XRCC4: variants seen among roughly 807,000 people sequenced by gnomAD.
XRCC4 encodes the protein X-ray repair cross complementing 4.
XRCC4 carries 28 observed loss-of-function variants against 39.1 expected under a neutral mutation model. The observed-to-expected ratio is 0.72, with a 90% CI of 0.53 to 0.98. The LOEUF (loss-of-function observed/expected upper bound fraction) is 0.98, where lower values mean the gene tolerates loss of function less well. Ranked by LOEUF, XRCC4 falls within the 50% of genes least tolerant of loss-of-function variation. The pLI is 0.00. For synonymous variants in XRCC4, 123 were observed against 126.4 expected (o/e 0.97, Z 0.18); for missense variants, 350 against 376.4 (o/e 0.93, Z 0.58).
chr5:83,304,611 AC>A (rs1755413200), intron 7 of XRCC4, among the ~76,000 whole-genome samples: 2 of 152,196 alleles, frequency 1.3e-5, no homozygotes, highest in Non-Finnish European at 2.9e-5. Flanking sequence ...GTTATCTTCT[AC>A]CAGAAAATGA....
chr5:83,325,108 T>G (rs895328725), intron 7 of XRCC4, among the ~76,000 whole-genome samples: 2 of 152,064 alleles, frequency 1.3e-5, no homozygotes, highest in African/African-American at 4.8e-5. Flanking sequence ...AACATTTCCC[T>G]TTTGCAATGA....
chr5:83,104,595 G>A (rs530422579), intron 1 of XRCC4, among the ~76,000 whole-genome samples: 3 of 152,214 alleles, frequency 2.0e-5, no homozygotes, highest in South Asian at 2.1e-4. Flanking sequence ...TGGGATTACC[G>A]GTGTGAGACA....
At chr5:83,078,088 T>C (rs1160224532) in intron 1 of XRCC4, among the ~76,000 whole-genome samples, 2 of 152,224 alleles carry the variant, frequency 1.3e-5, no homozygotes, top group East Asian at 3.9e-4. Flanking sequence ...CTTTCTGTGG[T>C]AACCAATGGG....
intron 3 of XRCC4, among the ~76,000 whole-genome samples, chr5:83,158,240 T>A (rs1267720344): frequency 6.6e-6 from 1 of 152,104 alleles, no homozygotes; most frequent in African/African-American, 2.4e-5. Flanking sequence ...TAGGAGGAAG[T>A]GCAGACAACA....
At chr5:83,280,686 C>T (rs531267409) in intron 7 of XRCC4, 2 of 240,234 alleles carry the variant, frequency 8.3e-6, no homozygotes, top group Admixed American at 5.8e-5. Flanking sequence ...TGAATCCATT[C>T]ATAAGGGCAG....
Position 83,318,424 on chromosome 5 carries a change from T to A in XRCC4, c.894-34707T>A, listed in dbSNP as rs946817734. Among the ~76,000 whole-genome samples the A allele has an allele frequency of 3.5e-5, 4 of 114,996 alleles. 1 individual carries two copies. The highest frequency in any genetic ancestry group is 1.8e-4 in the African/African-American group (4 of 21,634). 75.4% of individuals were successfully genotyped at this position (114,996 alleles called of 152,430 possible). A position where few individuals can be genotyped will look rare whatever the true frequency, so the allele number is the denominator to read the frequency against. ...AAGAGGAAGTCAAATTGTCCCTGTT[T>A]GCAGACGACATGATTGTTTATCTAG... is the stretch of plus-strand genomic sequence containing the variant. On this transcript the variant is annotated intron_variant, in intron 7 of 7. Transcript: ENST00000396027.
intron 3 of XRCC4, among the ~76,000 whole-genome samples, chr5:83,142,959 A>G (rs906111182): frequency 6.6e-6 from 1 of 152,178 alleles, no homozygotes; most frequent in Non-Finnish European, 1.5e-5. Context: ...TTGCTTGCCA[A>G]GTTGAGATAC....
intron 1 of XRCC4, among the ~76,000 whole-genome samples, chr5:83,083,919 AATGTC>A (rs1356429627): frequency 1.3e-5 from 2 of 152,136 alleles, no homozygotes; most frequent in South Asian, 4.1e-4. Context: ...CCTTCCCTAA[AATGTC>A]AGGCCAGGGT....
chr5:83,223,484 G>GT (rs145614950), intron 6 of XRCC4, among the ~76,000 whole-genome samples: 25,850 of 151,326 alleles, frequency 0.17, 4,788 homozygotes, highest in African/African-American at 0.47. Context: ...GCTTTTTGCA[G>GT]TTTTTTTGTT....
downstream of XRCC4, among the ~76,000 whole-genome samples, chr5:83,354,457 T>G (rs1252325796): frequency 2.0e-5 from 3 of 152,220 alleles, no homozygotes; most frequent in Non-Finnish European, 4.4e-5. Flanking sequence ...TGTAGCCAAA[T>G]TTTATATGTA....
intron 3 of XRCC4, among the ~76,000 whole-genome samples, chr5:83,163,738 T>G (rs1003284116): frequency 3.3e-5 from 5 of 152,338 alleles, no homozygotes; most frequent in African/African-American, 1.2e-4. Context: ...ACATATAATA[T>G]GAGGCTTTGT....
chr5:83,258,903 C>G (rs966265388), intron 7 of XRCC4: 2 of 492,746 alleles, frequency 4.1e-6, no homozygotes, highest in Non-Finnish European at 6.8e-6. Flanking sequence ...ATTTTTTTCT[C>G]ATGGTTTTTA....
At chr5:83,350,528 A>ATT (rs199982608) in intron 7 of XRCC4, among the ~76,000 whole-genome samples, 1 of 148,822 alleles carries the variant, frequency 6.7e-6, no homozygotes, top group African/African-American at 2.5e-5. Context: ...GATGTGTAGC[A>ATT]TTTTTTTTTC....
At chr5:83,268,656 A>G (rs1318124854) in intron 7 of XRCC4, among the ~76,000 whole-genome samples, 1 of 152,106 alleles carries the variant, frequency 6.6e-6, no homozygotes, top group Non-Finnish European at 1.5e-5. Context: ...TTTGATTGTG[A>G]TCTGAAGGCA....
At chr5:83,361,029 T>C in the XRCC4 span, among the ~76,000 whole-genome samples, 13 of 152,176 alleles carry the variant, frequency 8.5e-5, no homozygotes, top group Non-Finnish European at 1.8e-4. Flanking sequence ...AATGTGGGTT[T>C]GGGGACCAGA....
intron 1 of XRCC4, among the ~76,000 whole-genome samples, chr5:83,081,871 A>G (rs563177404): frequency 6.6e-5 from 10 of 152,244 alleles, no homozygotes; most frequent in African/African-American, 2.2e-4. Flanking sequence ...TTTAAAAGAT[A>G]TCTTGAACTC....
intron 7 of XRCC4, among the ~76,000 whole-genome samples, chr5:83,275,150 A>G (rs1419263916): frequency 1.3e-5 from 2 of 152,190 alleles, no homozygotes; most frequent in Admixed American, 6.5e-5. Flanking sequence ...TTGATTTAGA[A>G]TAAGGGAGAG....
rs1442612235 is a variant in XRCC4, at chr5:83,104,780, A to ATT, written c.-10-129_-10-128dup. 14 of 701,850 alleles carry ATT rather than the reference A, an allele frequency of 2.0e-5. No individual in the cohort carries two copies. The African/African-American group carries it at 2.0e-4, about 10-fold the overall frequency. The allele number at this position is 701,850 out of a possible 1,614,324, so 43.5% of individuals were successfully genotyped here. On this transcript the variant is annotated intron_variant, in intron 1 of 7. Coordinates refer to ENST00000396027, the MANE Select transcript of XRCC4 (RefSeq NM_003401.5). ...ATGGTTGAATCTAATGGTTGAACCT[A>ATT]TTATACAGTTTTTTTGTTTTGCTTA... is the stretch of plus-strand genomic sequence containing the variant.
intron 1 of XRCC4, among the ~76,000 whole-genome samples, chr5:83,085,804 G>A (rs1426303901): frequency 1.3e-5 from 2 of 152,166 alleles, no homozygotes; most frequent in South Asian, 2.1e-4. Context: ...GATGTGATAA[G>A]GGAATATGAC....
Sources: allele counts gnomAD v4.1 joint callset (sites outside exome capture counted in the v4.1 genomes callset), GRCh38; gene constraint gnomAD v4.1.1; transcripts MANE v1.5; gene names NCBI Gene and HGNC (gene_info 2026-07-23, HGNC 2026-07-21).